The following SEC16A variants were observed in gnomAD, a reference collection of about 807,000 sequenced individuals.
SEC16A encodes SEC16 homolog A, endoplasmic reticulum export factor.
SEC16A carries 110 observed loss-of-function variants against 221.9 expected under a neutral mutation model. The ratio of observed to expected loss-of-function variants is 0.50; its 90% CI spans 0.42 to 0.58. SEC16A has a LOEUF of 0.58. Ranked by LOEUF, SEC16A falls within the 20% of genes least tolerant of loss-of-function variation. SEC16A has a pLI of 0.00. For synonymous variants in SEC16A, 1,393 were observed against 1,257.7 expected (o/e 1.11, Z -2.28); for missense variants, 3,165 against 3,097.8 (o/e 1.02, Z -0.52).
In SEC16A at chr9:136,474,910, AACACTGCTAGGCAGAGACAAGCTAAGG is replaced by A; in HGVS notation, c.2679_2705del (p.Leu894_Val902del). 6.2e-7 allele frequency: 1 copy of A among 1,613,920 alleles called. No homozygotes were observed. Among genetic ancestry groups the A allele is most frequent in the Non-Finnish European group, 8.5e-7 (1 of 1,179,890 alleles). ...AACCTTGTGGAAAATTACTTTGGGC[AACACTGCTAGGCAGAGACAAGCTAAGG>A]ACAGAGCTGGTTGGAATCCCAGACA... is the stretch of plus-strand genomic sequence containing the variant. On this transcript the variant is annotated inframe_deletion, in exon 3 of 32. Coordinates refer to ENST00000684901, the MANE Select transcript of SEC16A (RefSeq NM_014866.2).
Position 136,474,812 on chromosome 9 carries a change from T to C in SEC16A, c.2804A>G (p.Glu935Gly). ...LVQPPSQPVPENLVPESQKDR... is the reference protein window; with the variant it reads ...LVQPPSQPVPGNLVPESQKDR... Reference sequence around the variant, plus strand: ...CTTTTGACTTTCTGGAACCAAGTTCTCTGGAACTGGCTGGGATGGTGGTTG... The same window carrying C: ...CTTTTGACTTTCTGGAACCAAGTTCCCTGGAACTGGCTGGGATGGTGGTTG... Residue 935 changes from glutamate (E) to glycine (G), a missense_variant, in exon 3 of 32, where the codon GAG (glutamate) becomes GGG (glycine). Physicochemically the swap from Glu to Gly is moderately conservative, Grantham distance 98. Transcript: ENST00000684901. 3 of 1,613,944 alleles carry C rather than the reference T, an allele frequency of 1.9e-6. No homozygotes were observed. Among genetic ancestry groups the C allele is most frequent in the South Asian group, 1.1e-5 (1 of 91,084 alleles).
In SEC16A at chr9:136,459,387, G is replaced by T. The variant is rs1839161822; in HGVS notation, c.5303+57C>A. On this transcript the variant is annotated intron_variant, in intron 16 of 31. Coordinates refer to ENST00000684901, the MANE Select transcript of SEC16A (RefSeq NM_014866.2). The surrounding 1 kb of genome is among the most constrained non-coding windows in gnomAD (Gnocchi z 6.1). ...ATTTCTGAATTCACTAAAGGAGAAG[G>T]ATTTTGTTTTACTTTGAAAGGAAAA... 1 of 1,448,754 alleles carries T rather than the reference G, an allele frequency of 6.9e-7. No homozygotes were observed. Among genetic ancestry groups the T allele is most frequent in the Non-Finnish European group, 9.5e-7 (1 of 1,053,938 alleles). The allele number at this position is 1,448,754 out of a possible 1,614,324, so 89.7% of individuals were successfully genotyped here.
At chr9:136,449,491 G>C (rs911038683) in intron 23 of SEC16A, among the ~76,000 whole-genome samples, 4 of 152,228 alleles carry the variant, frequency 2.6e-5, no homozygotes, top group African/African-American at 9.6e-5. Flanking sequence ...CTCATGATCT[G>C]CTCGCCTCAG....
Position 136,454,209 on chromosome 9 carries a change from T to A in SEC16A, c.5976A>T (p.Ala1992=), listed in dbSNP as rs777402800. ...PGPGCVTPGP[A]LGFLEPSGPG... ...GCCCGGAGGGCTCCAGGAAGCCAAG[T>A]GCAGGCCCTGGGGTCACACAGCCAG... Residue 1992 remains alanine (A), a synonymous_variant, in exon 21 of 32, where the codon GCA becomes GCT. Transcript: ENST00000684901. 1 of 1,565,456 alleles carries A rather than the reference T, an allele frequency of 6.4e-7. No homozygotes were observed. The highest frequency in any genetic ancestry group is 1.2e-5 in the South Asian group (1 of 85,116).
chr9:136,448,453 G>A (rs772176571), intron 23 of SEC16A: 13 of 710,788 alleles, frequency 1.8e-5, no homozygotes, highest in South Asian at 1.8e-4. Context: ...GGATGGAGGT[G>A]GGAGCAGATC....
At position 136,474,362 on chromosome 9, in the gene SEC16A, T is replaced by A. The variant is rs1240205210; in HGVS notation, c.3254A>T (p.Glu1085Val). 1 of 1,612,632 alleles carries A rather than the reference T, an allele frequency of 6.2e-7. No individual in the cohort carries two copies. Residue 1085 changes from glutamate (E) to valine (V), a missense_variant, in exon 3 of 32, where the codon GAA becomes GTA. Transcript: ENST00000684901. Reference protein sequence around the residue: ...KAMFSELSNPESLPAQGQAQN... With the variant: ...KAMFSELSNPVSLPAQGQAQN... Reference sequence around the variant, plus strand: ...GGCCTGTCCCTGTGCGGGCAGACTTTCTGGATTTGACAGCTCCGAAAACAT... The same window carrying A: ...GGCCTGTCCCTGTGCGGGCAGACTTACTGGATTTGACAGCTCCGAAAACAT...
Position 136,466,564 on chromosome 9 carries a change from GC to G in SEC16A, c.3930-103del, listed in dbSNP as rs1191535795. The G allele has an allele frequency of 1.8e-6, 2 of 1,139,790 alleles. No homozygotes were observed. Among genetic ancestry groups the G allele is most frequent in the African/African-American group, 1.6e-5 (1 of 64,006 alleles). 70.6% of individuals were successfully genotyped at this position (1,139,790 alleles called of 1,614,324 possible). ...AGGAGCTGAGACCGAGACCCCTGGG[GC>G]CGAGGCACAACACAGCACACCCGAC... On this transcript the variant is annotated intron_variant, in intron 6 of 31. Coordinates refer to ENST00000684901, the MANE Select transcript of SEC16A (RefSeq NM_014866.2). This position sits in a 1 kb window ranked among gnomAD's most constrained non-coding sequence, Gnocchi z 5.5.
At chr9:136,470,032 C>A (rs1460110516) in intron 4 of SEC16A, among the ~76,000 whole-genome samples, 1 of 152,242 alleles carries the variant, frequency 6.6e-6, no homozygotes, top group Non-Finnish European at 1.5e-5. Context: ...GTCTCAAAAA[C>A]AACAAGGCTA....
Position 136,474,684 on chromosome 9 carries a change from C to T in SEC16A, c.2932G>A (p.Gly978Ser). ...TGACTGGAATGGTTTGCCTTATTACCATCAGGCACCAGGGTGCCGTGTGCA... is the reference window on the plus strand; with the variant it reads ...TGACTGGAATGGTTTGCCTTATTACTATCAGGCACCAGGGTGCCGTGTGCA... ...PPAHGTLVPD[G>S]NKANHSSHQE... Residue 978 changes from glycine to serine, a missense_variant, in exon 3 of 32, where the codon GGT becomes AGT. Gly to Ser is a moderately conservative substitution (Grantham distance 56). Coordinates refer to ENST00000684901, the MANE Select transcript of SEC16A (RefSeq NM_014866.2). 1 of 1,613,764 alleles carries T rather than the reference C, an allele frequency of 6.2e-7. No homozygotes were observed. Among genetic ancestry groups the T allele is most frequent in the Non-Finnish European group, 8.5e-7 (1 of 1,179,892 alleles).
chr9:136,475,949 T>A lies in SEC16A; in HGVS notation c.1667A>T (p.Asp556Val), dbSNP rs1335596680. ...CTTAAAAAAACTACCTGAAGCTTCATCCTCGGGTTTTCCAACTTCTTGCTG... is the reference window on the plus strand; with the variant it reads ...CTTAAAAAAACTACCTGAAGCTTCAACCTCGGGTTTTCCAACTTCTTGCTG... ...FIQQEVGKPE[D>V]EASGSFFKQI... Residue 556 changes from aspartate to valine, a missense_variant, in exon 3 of 32, where the codon GAT becomes GTT. Physicochemically the swap from Asp to Val is radical, Grantham distance 152. This residue lies in a region of SEC16A where 2,030 missense variants were observed against 1,923.1 expected (regional missense o/e 1.06). Transcript: ENST00000684901. The surrounding 1 kb of genome is among the most constrained non-coding windows in gnomAD (Gnocchi z 5.0). 6.2e-7 allele frequency: 1 copy of A among 1,613,572 alleles called. No individual in the cohort carries two copies. The highest frequency in any genetic ancestry group is 8.5e-7 in the Non-Finnish European group (1 of 1,179,864).
rs1470933673 is a variant in SEC16A at position 136,467,030 on chromosome 9, T to C, written c.3856A>G (p.Thr1286Ala). 1.2e-6 allele frequency: 2 copies of C among 1,613,900 alleles called. No homozygotes were observed. The highest frequency in any genetic ancestry group is 2.7e-5 in the African/African-American group (2 of 75,022). Residue 1286 changes from threonine (T) to alanine (A), a missense_variant, in exon 6 of 32, where the codon ACC (threonine) becomes GCC (alanine). By Grantham distance (58) the Thr-to-Ala change is moderately conservative. Around this residue, in one of 3 missense-constraint regions of SEC16A, gnomAD observed 2,030 missense variants for 1,923.1 expected, o/e 1.06. Coordinates refer to ENST00000684901, the MANE Select transcript of SEC16A (RefSeq NM_014866.2). Reference protein sequence around the residue: ...HYSARVRDPRTYDRRYWCDAE... With the variant: ...HYSARVRDPRAYDRRYWCDAE... ...TCACACCAATACCTCCGGTCATAGGTGCGGGGGTCCCTGACTCTAGCACTG... is the reference window on the plus strand; with the variant it reads ...TCACACCAATACCTCCGGTCATAGGCGCGGGGGTCCCTGACTCTAGCACTG...
At chr9:136,483,467 G>A, upstream of SEC16A, 1 of 357,788 alleles carries the variant, frequency 2.8e-6, no homozygotes, top group Non-Finnish European at 3.1e-6. Flanking sequence ...GTCCTTCCCC[G>A]CCCGTGGCCC....
Position 136,475,255 on chromosome 9 carries a change from A to C in SEC16A, c.2361T>G (p.Ala787=). 1 of 1,613,642 alleles carries C rather than the reference A, an allele frequency of 6.2e-7. No individual in the cohort carries two copies. The highest frequency in any genetic ancestry group is 1.1e-5 in the South Asian group (1 of 91,080). The change falls in exon 3 of 32, where the codon GCT becomes GCG. Residue 787 remains alanine, a synonymous_variant. Coordinates refer to ENST00000684901, the MANE Select transcript of SEC16A (RefSeq NM_014866.2). The surrounding 1 kb of genome is among the most constrained non-coding windows in gnomAD (Gnocchi z 5.0). The stretch of plus-strand genomic sequence containing the variant: ...TGGGAGGATTCTCAAGGTTCTCAGA[A>C]GCACCAATGCCACCTCGGCTCTGCA... ...APVQSRGGIG[A]SENLENPPKM...
chr9:136,467,112 A>G, intron 5 of SEC16A, 29 bp from the exon 6 acceptor site: 2 of 1,612,738 alleles, frequency 1.2e-6, no homozygotes, highest in Non-Finnish European at 1.7e-6. Context: ...TGATTAATAC[A>G]GTAACATGCA....
In SEC16A at chr9:136,474,862, A is replaced by G. The variant is rs1175886462; in HGVS notation, c.2754T>C (p.Ser918=). ...PQGSGASEMV[S]NQPANLLVQP... ...GAACCAGCAAATTAGCAGGCTGATT[A>G]GAAACCATTTCGGAAGCACCAGAAC... Residue 918 remains serine, a synonymous_variant, in exon 3 of 32, where the codon TCT becomes TCC. Coordinates refer to ENST00000684901, the MANE Select transcript of SEC16A (RefSeq NM_014866.2). The G allele has an allele frequency of 6.2e-7, 1 of 1,613,974 alleles. No homozygotes were observed. The highest frequency in any genetic ancestry group is 8.5e-7 in the Non-Finnish European group (1 of 1,179,898).
chr9:136,465,848 C>T, intron 8 of SEC16A, 114 bp downstream of exon 8: 1 of 1,106,750 alleles, frequency 9.0e-7, no homozygotes, highest in Admixed American at 2.6e-5. Context: ...GGGTCAGAGC[C>T]AGGCCAGGAC....
At chr9:136,468,050 G>A (rs555104668) in intron 5 of SEC16A, among the ~76,000 whole-genome samples, 2 of 152,246 alleles carry the variant, frequency 1.3e-5, no homozygotes, top group Non-Finnish European at 2.9e-5. Context: ...TGGGACCGAG[G>A]AGATGGTTTT....
rs537044978 is a variant in SEC16A, at chr9:136,452,061, C to T, written c.6160-653G>A. 4.8e-4 allele frequency among the ~76,000 whole-genome samples: 73 copies of T among 152,270 alleles called. 1 individual carries two copies. The highest frequency in any genetic ancestry group is 9.1e-4 in the Non-Finnish European group (62 of 68,026). Reference sequence around the variant, plus strand: ...TGTCTAATGAGATAAATCTCACTTTCAGGAAAACCAGTGACAATGTTAGAA... The same window carrying T: ...TGTCTAATGAGATAAATCTCACTTTTAGGAAAACCAGTGACAATGTTAGAA... On this transcript the variant is annotated intron_variant, in intron 22 of 31. Coordinates refer to ENST00000684901, the MANE Select transcript of SEC16A (RefSeq NM_014866.2).
intron 22 of SEC16A, 107 bp from the exon 23 acceptor site, chr9:136,451,515 A>AGGCC: frequency 1.6e-6 from 2 of 1,288,882 alleles, no homozygotes; most frequent in Non-Finnish European, 2.1e-6. Flanking sequence ...CATCACTGAG[A>AGGCC]GGCCGGATGA....
Sources: allele counts gnomAD v4.1 joint callset (sites outside exome capture counted in the v4.1 genomes callset), GRCh38; gene constraint gnomAD v4.1.1; regional missense constraint gnomAD v4.1.1; non-coding constraint Gnocchi (gnomAD v3.1); transcripts MANE v1.5; gene names NCBI Gene and HGNC (gene_info 2026-07-23, HGNC 2026-07-21).